The following AURKA variants were observed in gnomAD, a reference collection of about 807,000 sequenced individuals.
The protein encoded by AURKA is aurora 2.
Under a neutral mutation model 40.9 loss-of-function variants are expected in AURKA, and 12 were observed. The ratio of observed to expected loss-of-function variants is 0.29; its 90% CI spans 0.19 to 0.48. The LOEUF (loss-of-function observed/expected upper bound fraction) is 0.48. Among genes scored for constraint, AURKA ranks in the 20% least tolerant of loss-of-function variants. The pLI, the probability that AURKA is intolerant of heterozygous loss-of-function variation, is 0.99. For synonymous variants in AURKA, 170 were observed against 164.3 expected, an observed-to-expected ratio of 1.03 and a Z score of -0.26; for missense variants, 322 against 462.1, an observed-to-expected ratio of 0.70 and a Z score of 2.78.
At chr20:56,388,324 G>A in intron 1 of AURKA, 122 bp from the exon 2 acceptor site, 1 of 909,870 alleles carries the variant, frequency 1.1e-6, no homozygotes, top group Non-Finnish European at 1.8e-6. Context: ...GATTTTACAT[G>A]TTTTGTCCAA....
chr20:56,388,942 CCT>C lies in AURKA; in HGVS notation c.-5-742_-5-741del, dbSNP rs146046035. On this transcript the variant is annotated intron_variant, in intron 1 of 8. Coordinates refer to ENST00000395915, the MANE Select transcript of AURKA (RefSeq NM_198437.3). ...CACCTCTACTGCTCCTCTCCCCTCC[CCT>C]GAGCCCATCCCCACCTGGCTTTTTT... Among the ~76,000 whole-genome samples, 992 of 152,350 alleles carry C rather than the reference CCT, an allele frequency of 6.5e-3. 9 individuals are homozygous for C. The highest frequency in any genetic ancestry group is 0.022 in the African/African-American group (916 of 41,578).
At position 56,383,765 on chromosome 20, in the gene AURKA, C is replaced by A. The variant is rs546212688; in HGVS notation, c.374+505G>T. On this transcript the variant is annotated intron_variant, in intron 4 of 8. Transcript: ENST00000395915. ...CTGTGGGTTCATTCCTCGCTCCTCC[C>A]GGTACATTCTAGAGTCCAGATAGTT... 6.1e-4 allele frequency among the ~76,000 whole-genome samples: 93 copies of A among 152,304 alleles called. 1 individual carries two copies. The highest frequency in any genetic ancestry group is 9.8e-4 in the Admixed American group (15 of 15,290).
intron 5 of AURKA, among the ~76,000 whole-genome samples, chr20:56,382,001 T>TA (rs1271264700): frequency 7.9e-5 from 12 of 151,956 alleles, no homozygotes; most frequent in African/African-American, 2.9e-4. Context: ...TCGTCTCTAC[T>TA]AAAAATACAA....
intron 6 of AURKA, among the ~76,000 whole-genome samples, chr20:56,374,443 A>G (rs1248849893): frequency 1.3e-5 from 2 of 152,258 alleles, no homozygotes; most frequent in Non-Finnish European, 2.9e-5. Context: ...TTACTTCAAG[A>G]ATATCAGGAG....
In AURKA at chr20:56,388,148, C is replaced by A; in HGVS notation, c.42+8G>T. 1.9e-5 allele frequency: 30 copies of A among 1,614,072 alleles called. No individual in the cohort carries two copies. The highest frequency in any genetic ancestry group is 2.5e-5 in the Non-Finnish European group (30 of 1,179,856). Reference sequence around the variant, plus strand: ...AATGTGAATGAGATTACAGATTATTCAATTTACCTTAACAGGTCCTGAAAT... The same window carrying A: ...AATGTGAATGAGATTACAGATTATTAAATTTACCTTAACAGGTCCTGAAAT... On this transcript the variant is annotated splice_region_variant and intron_variant, in intron 2 of 8. Coordinates refer to ENST00000395915, the MANE Select transcript of AURKA (RefSeq NM_198437.3).
At chr20:56,371,298 TAAAAATAC>T (rs920619638) in intron 7 of AURKA, among the ~76,000 whole-genome samples, 1 of 151,708 alleles carries the variant, frequency 6.6e-6, no homozygotes, top group African/African-American at 2.4e-5. Flanking sequence ...CCGTATCTAC[TAAAAATAC>T]AAAAAATTAG....
intron 6 of AURKA, among the ~76,000 whole-genome samples, chr20:56,377,799 G>C (rs1056128658): frequency 7.2e-5 from 11 of 151,828 alleles, no homozygotes; most frequent in Admixed American, 2.0e-4. Context: ...AAAAAAAAGA[G>C]ACGTTCAACA....
rs531916798 is a variant in AURKA at position 56,387,726 on chromosome 20, G to A, written c.42+430C>T. ...CTGAAATTAGCACACTGTCCACAAC[G>A]CAGCAGGCATTCAGACAAAGACAAA... On this transcript the variant is annotated intron_variant, in intron 2 of 8. Transcript: ENST00000395915. Among the ~76,000 whole-genome samples, 67 of 152,282 alleles carry A rather than the reference G, an allele frequency of 4.4e-4. No homozygotes were observed. In the South Asian group the frequency reaches 8.9e-3, roughly 20 times the overall value.
At position 56,386,243 on chromosome 20, in the gene AURKA, A is replaced by T; in HGVS notation, c.319+14T>A. On this transcript the variant is annotated intron_variant, in intron 3 of 8. Coordinates refer to ENST00000395915, the MANE Select transcript of AURKA (RefSeq NM_198437.3). ...AAAGAAGGACTATCCAATGAGTCTC[A>T]AAAGCTAGTTTACCAGGTGCCGATG... 6.2e-7 allele frequency: 1 copy of T among 1,614,230 alleles called. No individual in the cohort carries two copies. The highest frequency in any genetic ancestry group is 2.2e-5 in the East Asian group (1 of 44,894).
intron 7 of AURKA, among the ~76,000 whole-genome samples, chr20:56,372,576 G>A (rs967513538): frequency 6.7e-6 from 1 of 149,220 alleles, no homozygotes; most frequent in African/African-American, 2.5e-5. Context: ...CAGATTCAGT[G>A]CATTGCTGGA....
intron 6 of AURKA, among the ~76,000 whole-genome samples, chr20:56,375,307 C>CT (rs59071872): frequency 0.012 from 1,576 of 131,848 alleles, 23 homozygotes; most frequent in African/African-American, 0.026. Flanking sequence ...TTTAATCTTT[C>CT]TTTTTTTTTT....
chr20:56,372,944 C>T (rs961085921), intron 7 of AURKA, among the ~76,000 whole-genome samples: 1 of 152,212 alleles, frequency 6.6e-6, no homozygotes, highest in African/African-American at 2.4e-5. Context: ...CACCACTGCC[C>T]TCAAAGCACC....
At chr20:56,389,671 C>T (rs1986809276) in intron 1 of AURKA, among the ~76,000 whole-genome samples, 1 of 152,184 alleles carries the variant, frequency 6.6e-6, no homozygotes, top group Admixed American at 6.5e-5. Flanking sequence ...TCCATTCTAA[C>T]ATGTCCCAAA....
At chr20:56,378,405 T>C (rs1438051818) in intron 6 of AURKA, among the ~76,000 whole-genome samples, 1 of 152,194 alleles carries the variant, frequency 6.6e-6, no homozygotes, top group Non-Finnish European at 1.5e-5. Flanking sequence ...TCATGCCCTT[T>C]AGTAAGGTGA....
At chr20:56,385,757 G>A (rs1421416613) in intron 3 of AURKA, among the ~76,000 whole-genome samples, 2 of 152,104 alleles carry the variant, frequency 1.3e-5, no homozygotes, top group Non-Finnish European at 2.9e-5. Context: ...CACTGCGCCT[G>A]GCCTTCCACA....
At chr20:56,388,718 A>C (rs1344506947) in intron 1 of AURKA, 1 of 169,518 alleles carries the variant, frequency 5.9e-6, no homozygotes, top group African/African-American at 2.4e-5. Context: ...AGGCTGAGGC[A>C]GGAGAATCAC....
intron 6 of AURKA, 33 bp downstream of exon 6, chr20:56,381,400 C>T (rs1456905031): frequency 6.2e-7 from 1 of 1,610,944 alleles, no homozygotes; most frequent in Non-Finnish European, 8.5e-7. Flanking sequence ...ATAAAGGAAA[C>T]ACAATTAGCC....
chr20:56,369,716 C>T lies in AURKA; in HGVS notation c.*442G>A. The stretch of plus-strand genomic sequence containing the variant: ...CTTAAAAAGAATCACATACTCATTC[C>T]AACAGCTTTACCAGGCTTCGCCAAC... On this transcript the variant is annotated 3_prime_UTR_variant, in exon 9 of 9. Coordinates refer to ENST00000395915, the MANE Select transcript of AURKA (RefSeq NM_198437.3). The T allele has an allele frequency of 2.8e-6, 1 of 355,772 alleles. No homozygotes were observed. Among genetic ancestry groups the T allele is most frequent in the Non-Finnish European group, 5.3e-6 (1 of 189,892 alleles). 22.0% of individuals were successfully genotyped at this position (355,772 alleles called of 1,614,324 possible). A position where few individuals can be genotyped will look rare whatever the true frequency, so the allele number is the denominator to read the frequency against.
In AURKA at chr20:56,369,647, C is replaced by G. The variant is rs984554362; in HGVS notation, c.*511G>C. The G allele has an allele frequency of 1.8e-5, 5 of 272,088 alleles. No homozygotes were observed. The highest frequency in any genetic ancestry group is 2.9e-5 in the Non-Finnish European group (4 of 139,994). 16.9% of individuals were successfully genotyped at this position (272,088 alleles called of 1,614,324 possible). A position where few individuals can be genotyped will look rare whatever the true frequency, so the allele number is the denominator to read the frequency against. On this transcript the variant is annotated 3_prime_UTR_variant, in exon 9 of 9. Transcript: ENST00000395915. ...ACACAGCATTCCTAAAGGAATGCCA[C>G]CAGAGAAAAAATACAAGTCTGTACA...
Sources: gnomAD v4.1 joint callset for allele counts (sites outside exome capture counted in the v4.1 genomes callset) on GRCh38, gnomAD v4.1.1 for gene constraint, MANE v1.5 for transcripts, NCBI Gene and HGNC (gene_info 2026-07-23, HGNC 2026-07-21) for gene names.